Variants in GPR158 observed in about 807,000 individuals in gnomAD.
GPR158 encodes G protein-coupled receptor 158.
Under a neutral mutation model 78.2 loss-of-function variants are expected in GPR158, and 30 were observed. The observed-to-expected ratio is 0.38, with a 90% CI of 0.29 to 0.52. The LOEUF (loss-of-function observed/expected upper bound fraction) is 0.52, where lower values mean the gene tolerates loss of function less well. Ranked by LOEUF, GPR158 falls within the 20% of genes least tolerant of loss-of-function variation. GPR158 has a pLI of 0.83. For missense variants in GPR158, 1,463 were observed against 1,523.5 expected, an observed-to-expected ratio of 0.96 and a Z score of 0.66; for synonymous variants, 581 against 591.1, an observed-to-expected ratio of 0.98 and a Z score of 0.25.
intron 1 of GPR158, among the ~76,000 whole-genome samples, chr10:25,200,333 G>A (rs1007268735): frequency 4.6e-5 from 7 of 151,970 alleles, no homozygotes; most frequent in South Asian, 2.1e-4. Context: ...GTGTCTGTTC[G>A]TGTCCTTTGG....
chr10:25,376,280 C>T (rs973006845), intron 2 of GPR158, among the ~76,000 whole-genome samples: 2 of 151,484 alleles, frequency 1.3e-5, no homozygotes, highest in Non-Finnish European at 3.0e-5. Context: ...CAATTAAAGA[C>T]ACATATATAG....
chr10:25,253,512 A>G (rs1411991038), intron 2 of GPR158, among the ~76,000 whole-genome samples: 1 of 152,180 alleles, frequency 6.6e-6, no homozygotes, highest in East Asian at 1.9e-4. Flanking sequence ...TTTGACTTTG[A>G]GATTGGAAGG....
rs1837448705 is a variant in GPR158 at position 25,598,722 on chromosome 10, G to A, written c.3096G>A (p.Val1032=). 6.2e-7 allele frequency: 1 copy of A among 1,613,914 alleles called. No individual in the cohort carries two copies. The highest frequency in any genetic ancestry group is 8.5e-7 in the Non-Finnish European group (1 of 1,179,974). The change falls in exon 11 of 11, where the codon GTG becomes GTA. Residue 1032 remains valine (V), a synonymous_variant. Transcript: ENST00000376351. ...ESKVQKHVSI[V]ASEMEKNPTF... ...AAGTTCAAAAGCACGTATCTATTGT[G>A]GCTTCTGAAATGGAGAAAAACCCCA...
intron 1 of GPR158, among the ~76,000 whole-genome samples, chr10:25,217,202 G>A (rs1231571806): frequency 1.3e-5 from 2 of 152,164 alleles, no homozygotes; most frequent in Admixed American, 6.5e-5. Flanking sequence ...CTGGTATAAT[G>A]TGCCTCCATT....
intron 2 of GPR158, among the ~76,000 whole-genome samples, chr10:25,284,564 T>C (rs149088580): frequency 0.01 from 1,541 of 152,044 alleles, 22 homozygotes; most frequent in South Asian, 0.057. Context: ...ATTTAGAGTT[T>C]TATTCAGTCT....
At chr10:25,550,844 G>A (rs1378263414) in intron 5 of GPR158, 132 bp from the exon 6 acceptor site, 1 of 624,686 alleles carries the variant, frequency 1.6e-6, no homozygotes, top group Non-Finnish European at 2.9e-6. Context: ...GGTCAAAATA[G>A]TATTTTAAAG....
chr10:25,525,562 AAAG>A (rs1051450134), intron 5 of GPR158, among the ~76,000 whole-genome samples: 3 of 152,224 alleles, frequency 2.0e-5, no homozygotes, highest in Non-Finnish European at 4.4e-5. Flanking sequence ...AGCAATCAAA[AAAG>A]ACCATGGATT....
At chr10:25,250,814 A>T (rs1853785022) in intron 2 of GPR158, among the ~76,000 whole-genome samples, 1 of 150,164 alleles carries the variant, frequency 6.7e-6, no homozygotes. Flanking sequence ...AGAGTTCTGT[A>T]GATGTCTATT....
chr10:25,399,191 G>T (rs928411506), intron 3 of GPR158, among the ~76,000 whole-genome samples: 15 of 152,092 alleles, frequency 9.9e-5, no homozygotes, highest in African/African-American at 3.1e-4. Flanking sequence ...ACCATCAGAT[G>T]TCATGAGAAC....
At chr10:25,491,636 G>A (rs956396862) in intron 5 of GPR158, among the ~76,000 whole-genome samples, 4 of 151,808 alleles carry the variant, frequency 2.6e-5, no homozygotes, top group Admixed American at 2.6e-4. Context: ...ATTCTTGATG[G>A]GTTTTGTATT....
Position 25,322,888 on chromosome 10 carries a change from C to T in GPR158, c.1009-73023C>T, listed in dbSNP as rs144220558. On this transcript the variant is annotated intron_variant, in intron 2 of 10. Coordinates refer to ENST00000376351, the MANE Select transcript of GPR158 (RefSeq NM_020752.3). ...TTGAGATGGAGTCTCGCTCTGTCACCCAGGCTAGAGTGCAGTGGTGCTATC... is the reference window on the plus strand; with the variant it reads ...TTGAGATGGAGTCTCGCTCTGTCACTCAGGCTAGAGTGCAGTGGTGCTATC... Among the ~76,000 whole-genome samples the T allele has an allele frequency of 5.1e-3, 773 of 152,086 alleles. 5 individuals carry two copies. The highest frequency in any genetic ancestry group is 0.018 in the African/African-American group (726 of 41,482).
At chr10:25,499,965 A>G (rs56971778) in intron 5 of GPR158, among the ~76,000 whole-genome samples, 2,290 of 152,336 alleles carry the variant, frequency 0.015, 65 homozygotes, top group African/African-American at 0.052. Flanking sequence ...TCCAAGTTCA[A>G]TGAGAAGCCT....
At chr10:25,415,561 G>C (rs975013034) in intron 4 of GPR158, among the ~76,000 whole-genome samples, 1 of 152,016 alleles carries the variant, frequency 6.6e-6, no homozygotes, top group African/African-American at 2.4e-5. Context: ...AATGTAAATG[G>C]TACAGCCCTT....
intron 2 of GPR158, among the ~76,000 whole-genome samples, chr10:25,387,876 G>A (rs919984837): frequency 2.9e-4 from 44 of 152,230 alleles, no homozygotes; most frequent in African/African-American, 9.6e-4. Context: ...TACATGTTTA[G>A]TAGAATTCTC....
At chr10:25,442,191 C>A (rs1316161143) in intron 4 of GPR158, among the ~76,000 whole-genome samples, 2 of 149,880 alleles carry the variant, frequency 1.3e-5, no homozygotes, top group Non-Finnish European at 3.0e-5. Context: ...GCTACAAGAA[C>A]AGAAAGGAGT....
intron 4 of GPR158, among the ~76,000 whole-genome samples, chr10:25,463,080 C>G (rs1835377318): frequency 6.6e-6 from 1 of 152,174 alleles, no homozygotes; most frequent in African/African-American, 2.4e-5. Context: ...CCACAACCAT[C>G]TGAAGCTTCA....
At chr10:25,314,386 A>C (rs2130467623) in intron 2 of GPR158, among the ~76,000 whole-genome samples, 1 of 152,292 alleles carries the variant, frequency 6.6e-6, no homozygotes, top group South Asian at 2.1e-4. Context: ...GGCATGAGCC[A>C]CCACACCCGG....
intron 2 of GPR158, among the ~76,000 whole-genome samples, chr10:25,236,228 G>T (rs188247786): frequency 6.6e-6 from 1 of 152,134 alleles, no homozygotes; most frequent in South Asian, 2.1e-4. Context: ...AATTTTGGCC[G>T]GGCGTGGTGG....
At chr10:25,225,843 G>T (rs1022906197) in intron 2 of GPR158, among the ~76,000 whole-genome samples, 1 of 152,012 alleles carries the variant, frequency 6.6e-6, no homozygotes, top group East Asian at 1.9e-4. Flanking sequence ...AATCTCTAAA[G>T]ATAAATTTTA....
Sources: allele counts gnomAD v4.1 joint callset (sites outside exome capture counted in the v4.1 genomes callset), GRCh38; gene constraint gnomAD v4.1.1; transcripts MANE v1.5; gene names NCBI Gene and HGNC (gene_info 2026-07-23, HGNC 2026-07-21).